Variants in PHF21B observed in about 807,000 individuals in gnomAD.
PHF21B encodes the protein PHD finger protein 21B, also known as PHD finger protein 4.
Under a neutral mutation model 62.2 loss-of-function variants are expected in PHF21B, and 22 were observed. The observed-to-expected ratio is 0.35, with a 90% CI of 0.25 to 0.51. PHF21B has a LOEUF of 0.51. Ranked by LOEUF, PHF21B falls within the 20% of genes least tolerant of loss-of-function variation. The pLI is 0.97. For synonymous variants in PHF21B, 341 were observed against 314.7 expected, an observed-to-expected ratio of 1.08 and a Z score of -0.88; for missense variants, 701 against 707.9, an observed-to-expected ratio of 0.99 and a Z score of 0.11.
At chr22:44,905,078 TAAAA>T (rs1253305596) in intron 5 of PHF21B, among the ~76,000 whole-genome samples, 1 of 152,204 alleles carries the variant, frequency 6.6e-6, no homozygotes, top group Non-Finnish European at 1.5e-5. Context: ...ACTTTTGACT[TAAAA>T]ACTCACACTG....
At position 44,913,900 on chromosome 22, in the gene PHF21B, G is replaced by A. The variant is rs2071387829; in HGVS notation, c.753C>T (p.Pro251=). The change falls in exon 5 of 13, where the codon CCC becomes CCT. Residue 251 remains proline (P), a synonymous_variant. Coordinates refer to ENST00000313237, the MANE Select transcript of PHF21B (RefSeq NM_138415.5). ...GAGCTCCCTGAGATGGCTCCTCTGT[G>A]GGCGGCCGCGACTCTGCCGTGCTCT... The part of the protein sequence containing the change: ...QPESTAESRP[P]TEEPSQGAQA... 1.2e-6 allele frequency: 2 copies of A among 1,613,814 alleles called. No homozygotes were observed. The highest frequency in any genetic ancestry group is 1.3e-5 in the African/African-American group (1 of 74,830).
chr22:44,995,557 G>A (rs1215861739), intron 2 of PHF21B, among the ~76,000 whole-genome samples: 2 of 152,142 alleles, frequency 1.3e-5, no homozygotes, highest in Non-Finnish European at 2.9e-5. Context: ...GGCTCACTCT[G>A]GGACCACAGA....
At chr22:44,987,821 A>G (rs751645982) in intron 2 of PHF21B, among the ~76,000 whole-genome samples, 5 of 133,728 alleles carry the variant, frequency 3.7e-5, no homozygotes, top group Non-Finnish European at 8.0e-5. Context: ...TCTCTATCTC[A>G]CCCTTCACCC....
intron 10 of PHF21B, among the ~76,000 whole-genome samples, chr22:44,886,178 G>A (rs922229582): frequency 3.9e-5 from 6 of 152,104 alleles, no homozygotes; most frequent in East Asian, 1.9e-4. Flanking sequence ...TGAACAGGCA[G>A]CAGGCTCAAA....
chr22:44,901,745 T>C (rs1238341548), intron 5 of PHF21B: 1 of 362,312 alleles, frequency 2.8e-6, no homozygotes, highest in Non-Finnish European at 5.0e-6. Context: ...AATTGGCAGA[T>C]ATTCCCAATC....
chr22:44,917,920 T>A (rs759285779), intron 3 of PHF21B, among the ~76,000 whole-genome samples: 1 of 152,360 alleles, frequency 6.6e-6, no homozygotes, highest in South Asian at 2.1e-4. Flanking sequence ...GTGATCTCTG[T>A]GTCCCCTGCC....
intron 2 of PHF21B, among the ~76,000 whole-genome samples, chr22:44,955,062 G>A (rs568457320): frequency 2.8e-4 from 42 of 152,308 alleles, no homozygotes; most frequent in African/African-American, 9.4e-4. Flanking sequence ...ACTGTCCAGC[G>A]GTGCAGCTGC....
At chr22:44,888,262 G>A in intron 9 of PHF21B, 141 bp from the exon 10 acceptor site, 1 of 1,057,646 alleles carries the variant, frequency 9.5e-7, no homozygotes, top group Admixed American at 3.3e-5. Flanking sequence ...GCTCTACGGA[G>A]AGAGAGGGAT....
chr22:45,003,676 G>C (rs1410524705), intron 2 of PHF21B: 1 of 152,244 alleles, frequency 6.6e-6, no homozygotes, highest in Non-Finnish European at 1.5e-5. Flanking sequence ...CTCTGGGGAA[G>C]AATATACTAG....
chr22:44,931,428 A>G (rs2071739257), intron 2 of PHF21B, among the ~76,000 whole-genome samples: 1 of 151,810 alleles, frequency 6.6e-6, no homozygotes, highest in Non-Finnish European at 1.5e-5. Flanking sequence ...CACTTAACCA[A>G]TCGCAGAGGC....
chr22:44,900,481 A>C (rs1000322670), intron 5 of PHF21B, among the ~76,000 whole-genome samples: 1 of 152,202 alleles, frequency 6.6e-6, no homozygotes, highest in Admixed American at 6.5e-5. Flanking sequence ...TTGTATTTTT[A>C]CTAGAGATGG....
intron 3 of PHF21B, among the ~76,000 whole-genome samples, chr22:44,919,202 TTC>T (rs1366553611): frequency 1.4e-5 from 2 of 138,038 alleles, no homozygotes; most frequent in African/African-American, 6.0e-5. Flanking sequence ...CAGTGTCTCT[TTC>T]TGGCATGGCC....
chr22:44,949,563 G>A (rs2072152695), intron 2 of PHF21B, among the ~76,000 whole-genome samples: 1 of 152,110 alleles, frequency 6.6e-6, no homozygotes, highest in Non-Finnish European at 1.5e-5. Context: ...TGAATACGTC[G>A]CACAAGTCAG....
intron 2 of PHF21B, among the ~76,000 whole-genome samples, chr22:44,984,159 C>CACCACCATCACCATCACA (rs2072898969): frequency 1.8e-3 from 1 of 564 alleles, no homozygotes; most frequent in Non-Finnish European, 3.5e-3. Flanking sequence ...TCACCACCAT[C>CACCACCATCACCATCACA]ACCACCATCA....
rs1488352311 is a variant in PHF21B, at chr22:44,884,344, CCA to C, written c.1378-1042_1378-1041del. Among the ~76,000 whole-genome samples, 6 of 101,462 alleles carry C rather than the reference CCA, an allele frequency of 5.9e-5. 1 individual carries two copies. Among genetic ancestry groups the C allele is most frequent in the Non-Finnish European group, 9.8e-5 (5 of 51,086 alleles). The allele number at this position is 101,462 out of a possible 152,430, so 66.6% of individuals were successfully genotyped here. On this transcript the variant is annotated intron_variant, in intron 12 of 12. Coordinates refer to ENST00000313237, the MANE Select transcript of PHF21B (RefSeq NM_138415.5). ...AGCACCATCACCACCATCATTAGCA[CCA>C]TCACCACCACGATCACCAACGTCAC...
At chr22:44,943,000 C>G (rs1005722162) in intron 2 of PHF21B, among the ~76,000 whole-genome samples, 10 of 147,298 alleles carry the variant, frequency 6.8e-5, no homozygotes, top group East Asian at 4.0e-4. Flanking sequence ...GAGGGACCCC[C>G]CCCCCCCCAT....
intron 5 of PHF21B, among the ~76,000 whole-genome samples, chr22:44,897,244 T>C (rs533685670): frequency 1.3e-5 from 2 of 152,240 alleles, no homozygotes; most frequent in South Asian, 4.1e-4. Flanking sequence ...CATTTTTTTT[T>C]CATTTGACAT....
intron 2 of PHF21B, among the ~76,000 whole-genome samples, chr22:44,997,307 G>A (rs1175921334): frequency 4.6e-5 from 7 of 152,062 alleles, no homozygotes; most frequent in Non-Finnish European, 5.9e-5. Context: ...CACTTCCCAT[G>A]CCTATGGCTG....
At chr22:44,889,022 C>A (rs1426114416) in intron 9 of PHF21B, among the ~76,000 whole-genome samples, 1 of 152,208 alleles carries the variant, frequency 6.6e-6, no homozygotes, top group Non-Finnish European at 1.5e-5. Flanking sequence ...CACTGCCAGG[C>A]CCCCCAGCAC....
Sources: allele counts gnomAD v4.1 joint callset (sites outside exome capture counted in the v4.1 genomes callset), GRCh38; gene constraint gnomAD v4.1.1; transcripts MANE v1.5; gene names NCBI Gene and HGNC (gene_info 2026-07-23, HGNC 2026-07-21).